TGFBR3: variants seen among roughly 807,000 people sequenced by gnomAD.
TGFBR3 encodes transforming growth factor beta receptor type 3.
TGFBR3 carries 46 observed loss-of-function variants against 87.9 expected under a neutral mutation model. The ratio of observed to expected loss-of-function variants is 0.52; its 90% CI spans 0.41 to 0.67. TGFBR3 has a LOEUF of 0.67. TGFBR3 is among the 30% of genes least tolerant of loss of function. The probability of loss-of-function intolerance (pLI) is 0.00; values close to 1 mark genes in which losing one functional copy is unlikely to be tolerated. For synonymous variants in TGFBR3, 381 were observed against 391.6 expected, an observed-to-expected ratio of 0.97 and a Z score of 0.32; for missense variants, 866 against 1,041.9, an observed-to-expected ratio of 0.83 and a Z score of 2.32.
chr1:91,721,072 C>A lies in TGFBR3; in HGVS notation c.1076-842G>T, dbSNP rs373485900. On this transcript the variant is annotated intron_variant, in intron 8 of 16. Coordinates refer to ENST00000212355, the MANE Select transcript of TGFBR3 (RefSeq NM_003243.5). ...TATTCTTTATATCTACTATCTAAGG[C>A]CAACTGATGTACACTTGAGGTCAAA... 2.6e-5 allele frequency among the ~76,000 whole-genome samples: 4 copies of A among 152,178 alleles called. No homozygotes were observed. The East Asian group carries it at 7.7e-4, about 29-fold the overall frequency.
chr1:91,832,300 C>T (rs1361054157), intron 2 of TGFBR3, among the ~76,000 whole-genome samples: 1 of 152,132 alleles, frequency 6.6e-6, no homozygotes, highest in African/African-American at 2.4e-5. Flanking sequence ...TTTGCAAATA[C>T]TAAGGTCATC....
At chr1:91,791,225 G>A (rs1675180475) in intron 3 of TGFBR3, among the ~76,000 whole-genome samples, 1 of 152,166 alleles carries the variant, frequency 6.6e-6, no homozygotes, top group South Asian at 2.1e-4. Context: ...ATTATAAGCA[G>A]AGGACAGGTG....
At chr1:91,841,650 C>T (rs1677285980) in intron 2 of TGFBR3, among the ~76,000 whole-genome samples, 9 of 151,898 alleles carry the variant, frequency 5.9e-5, no homozygotes, top group Admixed American at 4.6e-4. Context: ...AAAAATTAGC[C>T]AGGAGTGGTG....
At chr1:91,800,018 G>A (rs1675539665) in intron 2 of TGFBR3, among the ~76,000 whole-genome samples, 1 of 151,810 alleles carries the variant, frequency 6.6e-6, no homozygotes. Context: ...GGTTATATGA[G>A]TCAGTCCAAG....
chr1:91,705,286 G>A (rs955959727), intron 14 of TGFBR3, among the ~76,000 whole-genome samples: 7 of 149,646 alleles, frequency 4.7e-5, no homozygotes, highest in Non-Finnish European at 8.9e-5. Context: ...GTACAGTGGC[G>A]CGATCTTGGC....
At position 91,878,825 on chromosome 1, in the gene TGFBR3, G is replaced by A. The variant is rs147886556; in HGVS notation, c.-114+7053C>T. Among the ~76,000 whole-genome samples, 599 of 152,274 alleles carry A rather than the reference G, an allele frequency of 3.9e-3. 2 individuals carry two copies. The highest frequency in any genetic ancestry group is 0.013 in the African/African-American group (549 of 41,546). ...GGAAGGACAGAAAAGCAGGTGTTTC[G>A]TCCTCCTGCAAACAACACCCAACTC... On this transcript the variant is annotated intron_variant, in intron 1 of 16. Transcript: ENST00000212355.
chr1:91,730,007 TGA>T (rs1672708225), intron 5 of TGFBR3, 34 bp from the exon 6 acceptor site: 8 of 1,613,128 alleles, frequency 5.0e-6, no homozygotes, highest in Middle Eastern at 3.3e-4. Context: ...GTCAAACCAC[TGA>T]GGTACTCGGT....
chr1:91,690,905 C>T (rs1056337178), intron 16 of TGFBR3, among the ~76,000 whole-genome samples: 9 of 152,080 alleles, frequency 5.9e-5, no homozygotes, highest in African/African-American at 2.2e-4. Context: ...AGAATTTCCT[C>T]ATTCTTTTTT....
At chr1:91,795,508 CTT>C (rs1016954359) in intron 3 of TGFBR3, among the ~76,000 whole-genome samples, 3 of 152,186 alleles carry the variant, frequency 2.0e-5, no homozygotes, top group Non-Finnish European at 2.9e-5. Flanking sequence ...GTATTTTTCT[CTT>C]GTTTCAGTAG....
At chr1:91,792,719 G>A (rs999853303) in intron 3 of TGFBR3, among the ~76,000 whole-genome samples, 2 of 152,136 alleles carry the variant, frequency 1.3e-5, no homozygotes, top group South Asian at 2.1e-4. Flanking sequence ...AATTAAACTC[G>A]GGAGTCCGAC....
chr1:91,738,803 T>C (rs1285394982), intron 4 of TGFBR3, among the ~76,000 whole-genome samples: 2 of 152,340 alleles, frequency 1.3e-5, no homozygotes, highest in Non-Finnish European at 2.9e-5. Context: ...TTGTTCTCCA[T>C]GCTGGAGACA....
Position 91,825,934 on chromosome 1 carries a change from T to C in TGFBR3, c.62-28463A>G, listed in dbSNP as rs571387974. Among the ~76,000 whole-genome samples, 393 of 149,980 alleles carry C rather than the reference T, an allele frequency of 2.6e-3. 1 individual carries two copies. Among genetic ancestry groups the C allele is most frequent in the African/African-American group, 9.1e-3 (370 of 40,622 alleles). ...AGGCAGAGGTTGCAGTGAGCCCAGA[T>C]AGTGCCATTGCACTCTAGCCTGGGT... On this transcript the variant is annotated intron_variant, in intron 2 of 16. Transcript: ENST00000212355.
intron 4 of TGFBR3, among the ~76,000 whole-genome samples, chr1:91,744,799 T>C (rs756776383): frequency 2.6e-5 from 4 of 152,202 alleles, no homozygotes; most frequent in Admixed American, 1.3e-4. Flanking sequence ...TCGAATGAGA[T>C]TGTTTGAAGA....
chr1:91,727,884 A>C, intron 6 of TGFBR3, 78 bp from the exon 7 acceptor site: 1 of 1,552,582 alleles, frequency 6.4e-7, no homozygotes, highest in Non-Finnish European at 8.8e-7. Context: ...CCAAGTCTTC[A>C]TGTTTCTAGT....
intron 3 of TGFBR3, among the ~76,000 whole-genome samples, chr1:91,785,972 C>T (rs2100978436): frequency 6.6e-6 from 1 of 152,146 alleles, no homozygotes. Context: ...CCATATTGCC[C>T]AGGCTGGTCT....
At chr1:91,735,484 T>C (rs1672936047) in intron 4 of TGFBR3, among the ~76,000 whole-genome samples, 1 of 152,226 alleles carries the variant, frequency 6.6e-6, no homozygotes, top group African/African-American at 2.4e-5. Flanking sequence ...ACCTCAGCAC[T>C]GAGATAAAAA....
chr1:91,800,283 C>CGCATATATATACATATATGCAT (rs1675560898), intron 2 of TGFBR3, among the ~76,000 whole-genome samples: 4 of 145,404 alleles, frequency 2.8e-5, no homozygotes, highest in African/African-American at 1.0e-4. Flanking sequence ...CACACACTCA[C>CGCATATATATACATATATGCAT]GCATATATAT....
chr1:91,763,577 C>G (rs1293674472), intron 3 of TGFBR3, among the ~76,000 whole-genome samples: 2 of 152,236 alleles, frequency 1.3e-5, no homozygotes, highest in Admixed American at 6.5e-5. Flanking sequence ...TAGCCATCAT[C>G]TGTCCCCTCT....
intron 1 of TGFBR3, among the ~76,000 whole-genome samples, chr1:91,905,314 G>T (rs1215937061): frequency 6.6e-6 from 1 of 152,172 alleles, no homozygotes; most frequent in African/African-American, 2.4e-5. Context: ...ACAGAAAAAT[G>T]CTAGTTATTT....
Sources: allele counts gnomAD v4.1 joint callset (sites outside exome capture counted in the v4.1 genomes callset), GRCh38; gene constraint gnomAD v4.1.1; transcripts MANE v1.5; gene names NCBI Gene and HGNC (gene_info 2026-07-23, HGNC 2026-07-21).